PDE1C: variants seen among roughly 807,000 people sequenced by gnomAD.
The protein encoded by PDE1C is dual specificity calcium/calmodulin-dependent 3',5'-cyclic nucleotide phosphodiesterase 1C.
Under a neutral mutation model 93.1 loss-of-function variants are expected in PDE1C, and 62 were observed. The observed-to-expected ratio is 0.67, with a 90% CI of 0.54 to 0.82. PDE1C has a LOEUF of 0.82. Among genes scored for constraint, PDE1C ranks in the 40% least tolerant of loss-of-function variants. The pLI is 0.00. For synonymous variants in PDE1C, 325 were observed against 310.1 expected (o/e 1.05, Z -0.50); for missense variants, 742 against 884.6 (o/e 0.84, Z 2.04).
At chr7:32,229,584 G>A (rs549146452) in intron 1 of PDE1C, among the ~76,000 whole-genome samples, 1 of 152,284 alleles carries the variant, frequency 6.6e-6, no homozygotes, top group Admixed American at 6.5e-5. Flanking sequence ...TTCATATCAA[G>A]TTCTTCAGAG....
chr7:32,033,519 T>C (rs1430838845), intron 2 of PDE1C, among the ~76,000 whole-genome samples: 2 of 152,182 alleles, frequency 1.3e-5, no homozygotes, highest in African/African-American at 2.4e-5. Flanking sequence ...ATTGCTGTTA[T>C]CTACTGCAAA....
intron 12 of PDE1C, among the ~76,000 whole-genome samples, chr7:31,825,677 A>G (rs1789562024): frequency 6.6e-6 from 1 of 152,140 alleles, no homozygotes; most frequent in Non-Finnish European, 1.5e-5. Context: ...TTTAGAAGCT[A>G]TTGCAATTGT....
chr7:31,806,495 A>G (rs563920180), intron 16 of PDE1C, among the ~76,000 whole-genome samples: 1 of 152,076 alleles, frequency 6.6e-6, no homozygotes, highest in Non-Finnish European at 1.5e-5. Flanking sequence ...CTTTCAAAGG[A>G]CATCCATTCT....
intron 2 of PDE1C, among the ~76,000 whole-genome samples, chr7:31,937,015 C>CA (rs1805179275): frequency 6.6e-6 from 1 of 152,090 alleles, no homozygotes. Context: ...GGGGTGCTTC[C>CA]AGGTCATAGG....
intron 1 of PDE1C, among the ~76,000 whole-genome samples, chr7:32,065,057 G>T (rs201723560): frequency 0.11 from 15,447 of 143,744 alleles, 1,463 homozygotes; most frequent in East Asian, 0.43. Context: ...GCGGTGGGGG[G>T]GGGGGGGAGG....
intron 1 of PDE1C, among the ~76,000 whole-genome samples, chr7:32,251,137 CCT>C (rs537816653): frequency 1.4e-4 from 21 of 152,364 alleles, no homozygotes; most frequent in Admixed American, 7.2e-4. Context: ...CAACAGATTC[CCT>C]GTCACACTAT....
At chr7:32,199,719 A>T (rs1344700641) in intron 2 of PDE1C, among the ~76,000 whole-genome samples, 2 of 152,022 alleles carry the variant, frequency 1.3e-5, no homozygotes, top group Non-Finnish European at 2.9e-5. Context: ...TGTCATTTTT[A>T]AATAGACCTA....
chr7:32,081,238 A>G (rs1004051077), intron 3 of PDE1C, among the ~76,000 whole-genome samples: 1 of 152,256 alleles, frequency 6.6e-6, no homozygotes, highest in African/African-American at 2.4e-5. Context: ...TTGAAAGGAA[A>G]GAGTGCTGAG....
At position 32,245,245 on chromosome 7, in the gene PDE1C, TGC is replaced by T. The variant is rs1232167422; in HGVS notation, c.86-35708_86-35707del. ...AGCCATGGTAACCCTATCCTAGCAC[TGC>T]CATCCCATCAACCCAAGCAGGCAGA... On this transcript the variant is annotated intron_variant, in intron 1 of 18. Transcript: ENST00000396193. Among the ~76,000 whole-genome samples, 4 of 152,174 alleles carry T rather than the reference TGC, an allele frequency of 2.6e-5. No homozygotes were observed. The South Asian group carries it at 6.2e-4, about 24-fold the overall frequency.
At chr7:31,623,432 A>T in the PDE1C span, among the ~76,000 whole-genome samples, 44 of 150,874 alleles carry the variant, frequency 2.9e-4, no homozygotes, top group Non-Finnish European at 5.3e-4. Context: ...CATCCCTGGG[A>T]TGCAAGGCTG....
intron 2 of PDE1C, among the ~76,000 whole-genome samples, chr7:32,205,568 G>T (rs1482233598): frequency 6.6e-6 from 1 of 150,740 alleles, no homozygotes; most frequent in Non-Finnish European, 1.5e-5. Flanking sequence ...AGCAGGATGT[G>T]GGTGGAGCCA....
In PDE1C at chr7:31,967,234, G is replaced by C. The variant is rs190304969; in HGVS notation, c.128+84320C>G. 5.5e-4 allele frequency among the ~76,000 whole-genome samples: 84 copies of C among 152,276 alleles called. 1 individual carries two copies. Among genetic ancestry groups the C allele is most frequent in the African/African-American group, 1.9e-3 (79 of 41,546 alleles). ...CTAGCAAGACTAATAAAGAAGAAAA[G>C]AGAGAAGAATCAAACAGACGCAATA... On this transcript the variant is annotated intron_variant, in intron 2 of 17. Coordinates refer to ENST00000396191, the MANE Select transcript of PDE1C (RefSeq NM_001191057.4).
At chr7:31,800,457 A>T (rs1785865437) in intron 16 of PDE1C, among the ~76,000 whole-genome samples, 1 of 151,584 alleles carries the variant, frequency 6.6e-6, no homozygotes, top group African/African-American at 2.4e-5. Context: ...TTTGCATATG[A>T]CATTTCAAGC....
chr7:32,274,165 A>AC (rs1811140618), intron 1 of PDE1C, among the ~76,000 whole-genome samples: 1 of 151,908 alleles, frequency 6.6e-6, no homozygotes, highest in South Asian at 2.1e-4. Flanking sequence ...TTTACACAGA[A>AC]CCCCAATATG....
At chr7:31,998,489 T>C (rs2128553485) in intron 2 of PDE1C, among the ~76,000 whole-genome samples, 1 of 152,310 alleles carries the variant, frequency 6.6e-6, no homozygotes, top group East Asian at 1.9e-4. Context: ...AAAGGTAATA[T>C]ACCGAATGAT....
intron 1 of PDE1C, among the ~76,000 whole-genome samples, chr7:32,063,894 A>G (rs1280159548): frequency 1.3e-5 from 2 of 152,046 alleles, no homozygotes; most frequent in Non-Finnish European, 2.9e-5. Context: ...GTTTCCCTCA[A>G]TATATTCTAA....
intron 3 of PDE1C, among the ~76,000 whole-genome samples, chr7:32,126,433 A>T (rs1392838484): frequency 6.6e-6 from 1 of 152,148 alleles, no homozygotes; most frequent in Non-Finnish European, 1.5e-5. Context: ...TATAGCTGTC[A>T]CTCATAAGTA....
chr7:32,401,064 C>T (rs1267663006), intron 1 of PDE1C, among the ~76,000 whole-genome samples: 3 of 152,210 alleles, frequency 2.0e-5, no homozygotes, highest in Non-Finnish European at 4.4e-5. Flanking sequence ...TGGTCATAAC[C>T]TTCTTTGCAC....
chr7:32,152,706 A>G (rs1801331952), intron 3 of PDE1C, among the ~76,000 whole-genome samples: 1 of 152,220 alleles, frequency 6.6e-6, no homozygotes, highest in Non-Finnish European at 1.5e-5. Flanking sequence ...TAAAGAGTGA[A>G]AATCTGAGAA....
Sources: allele counts gnomAD v4.1 joint callset (sites outside exome capture counted in the v4.1 genomes callset), GRCh38; gene constraint gnomAD v4.1.1; transcripts MANE v1.5; gene names NCBI Gene and HGNC (gene_info 2026-07-23, HGNC 2026-07-21).